DNAJC1: variants seen among roughly 807,000 people sequenced by gnomAD.
DNAJC1 encodes the protein DnaJ heat shock protein family (Hsp40) member C1, also known as dnaJ homolog subfamily C member 1.
A neutral mutation model predicts 76.6 loss-of-function variants in DNAJC1; 58 were observed. The ratio of observed to expected loss-of-function variants is 0.76; its 90% confidence interval spans 0.61 to 0.94. DNAJC1 has a LOEUF of 0.94. Among genes scored for constraint, DNAJC1 ranks in the 40% least tolerant of loss-of-function variants. The pLI is 0.00. For synonymous variants in DNAJC1, 258 were observed against 267.9 expected (o/e 0.96, Z 0.36); for missense variants, 689 against 677.3 (o/e 1.02, Z -0.19).
intron 9 of DNAJC1, among the ~76,000 whole-genome samples, chr10:21,786,646 T>G (rs1834615322): frequency 1.3e-5 from 2 of 151,916 alleles, no homozygotes; most frequent in Admixed American, 1.3e-4. Context: ...CGGCTAATTT[T>G]GGTATTTTTA....
rs190541788 is a variant in DNAJC1, at chr10:21,918,837, G to A, written c.671C>T (p.Pro224Leu). 6.2e-7 allele frequency: 1 copy of A among 1,613,212 alleles called. No homozygotes were observed. ...GCAAAACCAAATCCCCAGTTTGCAT[G>A]GAAGCAAATCATGCCACTGTGGTTT... is the stretch of plus-strand genomic sequence containing the variant. ...LMKPQWHDLLPCKLGIWFCLT... is the reference protein window; with the variant it reads ...LMKPQWHDLLLCKLGIWFCLT... Residue 224 changes from proline (P) to leucine (L), a missense_variant, in exon 6 of 12, where the codon CCA becomes CTA. By Grantham distance (98) the Pro-to-Leu change is moderately conservative (BLOSUM62 -3). Coordinates refer to ENST00000376980, the MANE Select transcript of DNAJC1 (RefSeq NM_022365.4).
At chr10:21,867,689 C>T (rs530821338) in intron 8 of DNAJC1, among the ~76,000 whole-genome samples, 1 of 152,174 alleles carries the variant, frequency 6.6e-6, no homozygotes, top group South Asian at 2.1e-4. Flanking sequence ...TAGGTTTCAC[C>T]TAGAACCTCA....
intron 1 of DNAJC1, among the ~76,000 whole-genome samples, chr10:21,966,098 G>C (rs1338487233): frequency 6.6e-6 from 1 of 152,090 alleles, no homozygotes; most frequent in Non-Finnish European, 1.5e-5. Context: ...CCCATAGTTT[G>C]GGTTTGCCTG....
intron 9 of DNAJC1, among the ~76,000 whole-genome samples, chr10:21,783,682 T>A (rs541338494): frequency 2.2e-4 from 33 of 152,322 alleles, no homozygotes; most frequent in African/African-American, 7.9e-4. Context: ...CAAAACAGCA[T>A]GGTACTGATA....
intron 7 of DNAJC1, among the ~76,000 whole-genome samples, chr10:21,899,145 A>G (rs1026323593): frequency 6.6e-6 from 1 of 152,142 alleles, no homozygotes; most frequent in East Asian, 1.9e-4. Flanking sequence ...CAATCAGGAG[A>G]TCCCCTCAAG....
chr10:21,941,091 A>C (rs1837401101), intron 1 of DNAJC1, among the ~76,000 whole-genome samples: 1 of 147,120 alleles, frequency 6.8e-6, no homozygotes, highest in African/African-American at 2.5e-5. Context: ...CTCTACTAAA[A>C]ATACAAAAAA....
intron 1 of DNAJC1, among the ~76,000 whole-genome samples, chr10:21,956,751 T>C (rs1837690890): frequency 6.6e-6 from 1 of 151,688 alleles, no homozygotes; most frequent in African/African-American, 2.4e-5. Context: ...CAACAGTCTA[T>C]TTTCAGCACA....
At chr10:21,849,594 A>T (rs572486864) in intron 8 of DNAJC1, among the ~76,000 whole-genome samples, 2 of 152,246 alleles carry the variant, frequency 1.3e-5, no homozygotes, top group African/African-American at 4.8e-5. Context: ...AAGAGAAGGG[A>T]ACATTTGCTA....
At chr10:21,878,113 T>A (rs538297199) in intron 8 of DNAJC1, among the ~76,000 whole-genome samples, 1 of 152,226 alleles carries the variant, frequency 6.6e-6, no homozygotes, top group Non-Finnish European at 1.5e-5. Context: ...GTCATGACTT[T>A]CCTCTGGTTC....
At chr10:21,760,918 G>A (rs1009374134) in intron 10 of DNAJC1, among the ~76,000 whole-genome samples, 11 of 152,312 alleles carry the variant, frequency 7.2e-5, no homozygotes, top group African/African-American at 2.2e-4. Context: ...TGGCTCAAGC[G>A]TGTAATTCCA....
intron 1 of DNAJC1, among the ~76,000 whole-genome samples, chr10:21,974,843 TTAAAG>T (rs1480603475): frequency 6.6e-6 from 1 of 152,118 alleles, no homozygotes; most frequent in Non-Finnish European, 1.5e-5. Context: ...AATTAATGGT[TTAAAG>T]TAGATTTCTC....
intron 1 of DNAJC1, among the ~76,000 whole-genome samples, chr10:21,957,889 G>A (rs1443583932): frequency 6.6e-6 from 1 of 152,056 alleles, no homozygotes; most frequent in Non-Finnish European, 1.5e-5. Context: ...GGTACATTAA[G>A]TGACGGCAAA....
At chr10:21,803,990 G>A in intron 9 of DNAJC1, 6 of 984,864 alleles carry the variant, frequency 6.1e-6, no homozygotes, top group Non-Finnish European at 7.2e-6. Context: ...TAAGTCTAGG[G>A]AGGAAAAAAA....
chr10:21,828,468 CAG>C (rs1304802463), intron 8 of DNAJC1, among the ~76,000 whole-genome samples: 2 of 152,198 alleles, frequency 1.3e-5, no homozygotes, highest in Non-Finnish European at 2.9e-5. Flanking sequence ...AGTTAATGTA[CAG>C]AGTTTCACCT....
intron 1 of DNAJC1, among the ~76,000 whole-genome samples, chr10:21,984,598 A>G (rs1425805352): frequency 2.0e-5 from 3 of 152,182 alleles, no homozygotes; most frequent in Non-Finnish European, 2.9e-5. Context: ...CCAATATCCA[A>G]TAACATAGGA....
intron 1 of DNAJC1, among the ~76,000 whole-genome samples, chr10:21,977,916 G>GA (rs1028580649): frequency 5.3e-5 from 8 of 151,428 alleles, no homozygotes; most frequent in Admixed American, 3.3e-4. Context: ...AGTGACAAGG[G>GA]AAAAAAAATC....
intron 3 of DNAJC1, among the ~76,000 whole-genome samples, chr10:21,921,515 T>A (rs1837042259): frequency 6.6e-6 from 1 of 152,030 alleles, no homozygotes; most frequent in Non-Finnish European, 1.5e-5. Flanking sequence ...TAAAATTGAG[T>A]GTCTTTTAAT....
At chr10:21,841,327 G>A (rs1169532152) in intron 8 of DNAJC1, among the ~76,000 whole-genome samples, 1 of 152,114 alleles carries the variant, frequency 6.6e-6, no homozygotes, top group Non-Finnish European at 1.5e-5. Flanking sequence ...CTACAGAATG[G>A]GAGAAAATTT....
chr10:21,965,565 T>A (rs939755561), intron 1 of DNAJC1, among the ~76,000 whole-genome samples: 1 of 152,194 alleles, frequency 6.6e-6, no homozygotes, highest in Non-Finnish European at 1.5e-5. Context: ...AAATTAACAA[T>A]GTTTACTAAA....
Sources: gnomAD v4.1 joint callset for allele counts (sites outside exome capture counted in the v4.1 genomes callset) on GRCh38, gnomAD v4.1.1 for gene constraint, MANE v1.5 for transcripts, NCBI Gene and HGNC (gene_info 2026-07-23, HGNC 2026-07-21) for gene names.